Variants in PCDHGA1 observed in about 807,000 individuals in gnomAD.
PCDHGA1 encodes protocadherin gamma-A1.
A neutral mutation model predicts 58.0 loss-of-function variants in PCDHGA1; 32 were observed. The ratio of observed to expected loss-of-function variants is 0.55; its 90% confidence interval spans 0.42 to 0.74. The LOEUF is 0.74. PCDHGA1 is among the 30% of genes least tolerant of loss of function. The pLI is 0.00. For synonymous variants in PCDHGA1, 498 were observed against 501.1 expected, an observed-to-expected ratio of 0.99 and a Z score of 0.08; for missense variants, 1,205 against 1,182.3, an observed-to-expected ratio of 1.02 and a Z score of -0.28.
intron 1 of PCDHGA1, chr5:141,376,624 A>C (rs1350295838): frequency 7.4e-6 from 10 of 1,343,058 alleles, no homozygotes; most frequent in Non-Finnish European, 9.1e-6. Context: ...TTGGTACAGG[A>C]AGATTCGTGA....
intron 1 of PCDHGA1, chr5:141,395,582 G>T (rs1200378126): frequency 5.5e-6 from 1 of 181,100 alleles, no homozygotes; most frequent in Non-Finnish European, 1.1e-5. Flanking sequence ...GTGTGTGTGT[G>T]TGTGTGTGTA....
intron 1 of PCDHGA1, chr5:141,351,868 C>T (rs1336199372): frequency 1.2e-6 from 2 of 1,613,164 alleles, no homozygotes; most frequent in South Asian, 1.1e-5. Context: ...AGGGCTCCCC[C>T]GCGCTCAGCG....
chr5:141,361,004 A>G, intron 1 of PCDHGA1: 1 of 1,613,282 alleles, frequency 6.2e-7, no homozygotes, highest in African/African-American at 1.3e-5. Context: ...CAAGTGAAAC[A>G]CTTTTTCAAC....
chr5:141,509,691 AC>A (rs1471858383), intron 3 of PCDHGA1, among the ~76,000 whole-genome samples: 5 of 152,064 alleles, frequency 3.3e-5, no homozygotes, highest in African/African-American at 1.2e-4. Flanking sequence ...GTACAGTGGG[AC>A]GTTGGACTGG....
chr5:141,487,455 A>G lies in PCDHGA1; in HGVS notation c.2422-7352A>G, dbSNP rs751456631. 6.2e-7 allele frequency: 1 copy of G among 1,614,122 alleles called. No individual in the cohort carries two copies. The highest frequency in any genetic ancestry group is 8.5e-7 in the Non-Finnish European group (1 of 1,180,032). On this transcript the variant is annotated intron_variant, in intron 1 of 3. Coordinates refer to ENST00000517417, the MANE Select transcript of PCDHGA1 (RefSeq NM_018912.3). The surrounding 1 kb of genome is among the most constrained non-coding windows in gnomAD (Gnocchi z 5.0). ...CAGCTAGGGTCAGATGACCCTATCA[A>G]GTTTGTTGATGTGGGAGGCCACTCT...
chr5:141,332,169 T>C lies in PCDHGA1; in HGVS notation c.1485T>C (p.Thr495=), dbSNP rs1184716076. 2 of 1,614,202 alleles carry C rather than the reference T, an allele frequency of 1.2e-6. No homozygotes were observed. The highest frequency in any genetic ancestry group is 1.1e-5 in the South Asian group (1 of 91,090). ...TCACTTACTCCCTAATAGAGGACAC[T>C]ATCCAGGGGGCACCCCTATCTGCCT... ...AQITYSLIED[T]IQGAPLSAYL... Residue 495 remains threonine (T), a synonymous_variant, in exon 1 of 4, where the codon ACT becomes ACC. Coordinates refer to ENST00000517417, the MANE Select transcript of PCDHGA1 (RefSeq NM_018912.3). This position sits in a 1 kb window ranked among gnomAD's most constrained non-coding sequence, Gnocchi z 4.6.
At chr5:141,456,364 G>A (rs778916049) in intron 1 of PCDHGA1, among the ~76,000 whole-genome samples, 2 of 152,258 alleles carry the variant, frequency 1.3e-5, no homozygotes, top group Admixed American at 6.5e-5. Flanking sequence ...TCCATGTGTG[G>A]TTCAGTTTAC....
chr5:141,431,537 C>A lies in PCDHGA1; in HGVS notation c.2422-63270C>A, dbSNP rs2097391571. On this transcript the variant is annotated intron_variant, in intron 1 of 3. Transcript: ENST00000517417. This position sits in a 1 kb window ranked among gnomAD's most constrained non-coding sequence, Gnocchi z 4.8. ...TCCGGAGAATCTGGCCTTGGGCACG[C>A]AGCTGCTTGTAGTCAACGCTACCGA... 6.2e-7 allele frequency: 1 copy of A among 1,614,102 alleles called. No individual in the cohort carries two copies. The highest frequency in any genetic ancestry group is 1.3e-5 in the African/African-American group (1 of 75,072).
intron 1 of PCDHGA1, among the ~76,000 whole-genome samples, chr5:141,482,554 A>T (rs997707871): frequency 4.1e-5 from 6 of 146,884 alleles, no homozygotes; most frequent in Non-Finnish European, 6.0e-5. Flanking sequence ...AAAAAAGATA[A>T]TGGAGATCTG....
rs953182246 is a variant in PCDHGA1, at chr5:141,511,757, C to T, written c.*584C>T. ...CTCAAGTTTTGGAGGACATGATCAC[C>T]ATCCCCATGGTACTGATGCTTGCTG... is the stretch of plus-strand genomic sequence containing the variant. On this transcript the variant is annotated 3_prime_UTR_variant, in exon 4 of 4. Coordinates refer to ENST00000517417, the MANE Select transcript of PCDHGA1 (RefSeq NM_018912.3). The T allele has an allele frequency of 6.9e-5, 12 of 174,122 alleles. No individual in the cohort carries two copies. The highest frequency in any genetic ancestry group is 2.8e-4 in the African/African-American group (12 of 42,412). The allele number at this position is 174,122 out of a possible 1,614,324, so 10.8% of individuals were successfully genotyped here.
rs553957112 is a variant in PCDHGA1, at chr5:141,331,040, T to C, written c.356T>C (p.Val119Ala). Reference sequence around the variant, plus strand: ...GAGGATAAAATGAAGCTTTTTCCTGTTGAAGTAGAAATAATTGATATTAAT... The same window carrying C: ...GAGGATAAAATGAAGCTTTTTCCTGCTGAAGTAGAAATAATTGATATTAAT... ...LVEDKMKLFPVEVEIIDINDN... is the reference protein window; with the variant it reads ...LVEDKMKLFPAEVEIIDINDN... The change falls in exon 1 of 4, where the codon GTT becomes GCT. Residue 119 changes from valine (V) to alanine (A), a missense_variant. Physicochemically the swap from Val to Ala is moderately conservative, Grantham distance 64 (BLOSUM62 0). Transcript: ENST00000517417. 8.7e-6 allele frequency: 14 copies of C among 1,614,190 alleles called. No homozygotes were observed. The highest frequency in any genetic ancestry group is 8.3e-5 in the Admixed American group (5 of 60,032).
At chr5:141,478,428 C>G in intron 1 of PCDHGA1, 1 of 1,613,746 alleles carries the variant, frequency 6.2e-7, no homozygotes. Flanking sequence ...CGCAGCGACC[C>G]GCTGCTGAAG....
chr5:141,365,294 C>G, intron 1 of PCDHGA1: 1 of 1,613,974 alleles, frequency 6.2e-7, no homozygotes, highest in Non-Finnish European at 8.5e-7. Context: ...AGTGGTAGCT[C>G]AGGATGGAGG....
chr5:141,463,359 T>C (rs2099057442), intron 1 of PCDHGA1, among the ~76,000 whole-genome samples: 2 of 151,672 alleles, frequency 1.3e-5, no homozygotes, highest in Admixed American at 6.6e-5. Flanking sequence ...GGATTTCCCC[T>C]TTCCTGCCCC....
At chr5:141,365,445 A>G (rs774993961) in intron 1 of PCDHGA1, 3 of 1,613,936 alleles carry the variant, frequency 1.9e-6, no homozygotes, top group Non-Finnish European at 2.5e-6. Flanking sequence ...TTTAGCGTAC[A>G]TGATGGTGAT....
At chr5:141,494,445 A>G (rs1424475551) in intron 1 of PCDHGA1, among the ~76,000 whole-genome samples, 1 of 152,158 alleles carries the variant, frequency 6.6e-6, no homozygotes, top group East Asian at 1.9e-4. Flanking sequence ...TTGCCACTTT[A>G]GGGGGCTTTG....
At chr5:141,427,839 G>A (rs1276507135) in intron 1 of PCDHGA1, 3 of 1,547,192 alleles carry the variant, frequency 1.9e-6, no homozygotes, top group African/African-American at 2.7e-5. Context: ...GCGTGCCTTC[G>A]ACCACGAGCA....
At chr5:141,361,357 G>A (rs1349523966) in intron 1 of PCDHGA1, 1 of 1,613,920 alleles carries the variant, frequency 6.2e-7, no homozygotes, top group Admixed American at 1.7e-5. Flanking sequence ...AGTGACAGAC[G>A]GCGCTCTGGA....
rs776625788 is a variant in PCDHGA1 at position 141,344,879 on chromosome 5, T to A, written c.2421+11774T>A. ...ATGCTCAAGTGTCTTATATTCTAGA[T>A]AAAATGCCTGGGAAAATCGCTGAGA... On this transcript the variant is annotated intron_variant, in intron 1 of 3. Coordinates refer to ENST00000517417, the MANE Select transcript of PCDHGA1 (RefSeq NM_018912.3). 1.9e-6 allele frequency: 3 copies of A among 1,613,804 alleles called. No homozygotes were observed. In the African/African-American group the frequency reaches 4.0e-5, roughly 22 times the overall value.
Sources: allele counts gnomAD v4.1 joint callset (sites outside exome capture counted in the v4.1 genomes callset), GRCh38; gene constraint gnomAD v4.1.1; non-coding constraint Gnocchi (gnomAD v3.1); transcripts MANE v1.5; gene names NCBI Gene and HGNC (gene_info 2026-07-23, HGNC 2026-07-21).